The following ZNF670 variants were observed in gnomAD, a reference collection of about 807,000 sequenced individuals.
The protein encoded by ZNF670 is zinc finger protein 670.
In ZNF670, 7 loss-of-function variants were observed where a neutral mutation model predicts 10.9. The observed-to-expected ratio is 0.64, with a 90% CI of 0.36 to 1.20. The LOEUF (loss-of-function observed/expected upper bound fraction) is 1.20, where lower values mean the gene tolerates loss of function less well. ZNF670 is among the 50% of genes most tolerant of loss of function. The pLI, the probability that ZNF670 is intolerant of heterozygous loss-of-function variation, is 0.02. For synonymous variants in ZNF670, 136 were observed against 152.7 expected (o/e 0.89, Z 0.81); for missense variants, 446 against 458.6 (o/e 0.97, Z 0.25).
chr1:247,054,954 T>C (rs906176400), intron 1 of ZNF670, among the ~76,000 whole-genome samples: 1 of 151,968 alleles, frequency 6.6e-6, no homozygotes, highest in African/African-American at 2.4e-5. Flanking sequence ...GAAAACTAGT[T>C]GGGCAGACAG....
chr1:247,052,353 A>C (rs1670616795), intron 1 of ZNF670, among the ~76,000 whole-genome samples: 1 of 152,034 alleles, frequency 6.6e-6, no homozygotes, highest in Non-Finnish European at 1.5e-5. Context: ...AGTGACTGTT[A>C]TGGCTCTTCT....
intron 2 of ZNF670, among the ~76,000 whole-genome samples, 186 bp from the exon 3 acceptor site, chr1:247,039,056 C>CTTTT (rs1558335545): frequency 8.6e-6 from 1 of 116,060 alleles, no homozygotes; most frequent in Non-Finnish European, 1.7e-5. Context: ...TTTTTTCTTT[C>CTTTT]TTTCTTTTTT....
intron 1 of ZNF670, chr1:247,043,164 G>A: frequency 1.2e-6 from 1 of 813,546 alleles, no homozygotes; most frequent in Non-Finnish European, 2.1e-6. Context: ...TAGTTCTGCA[G>A]ATACATGTTC....
chr1:247,044,296 G>A (rs1670388366), intron 1 of ZNF670, among the ~76,000 whole-genome samples: 1 of 152,116 alleles, frequency 6.6e-6, no homozygotes. Flanking sequence ...GCTATTATTA[G>A]AGTCTTTAAC....
chr1:247,064,475 G>A (rs941221615), intron 1 of ZNF670, among the ~76,000 whole-genome samples: 1 of 152,210 alleles, frequency 6.6e-6, no homozygotes, highest in African/African-American at 2.4e-5. Flanking sequence ...CTTCCTTCCT[G>A]TGTTGGGACC....
intron 1 of ZNF670, among the ~76,000 whole-genome samples, chr1:247,067,975 T>C (rs1222881657): frequency 2.0e-5 from 3 of 147,870 alleles, no homozygotes; most frequent in African/African-American, 5.1e-5. Context: ...AACCACAATA[T>C]ATAAGAAGCT....
chr1:247,042,847 G>A lies in ZNF670; in HGVS notation c.4-3310C>T, dbSNP rs1670349570. 3 of 576,822 alleles carry A rather than the reference G, an allele frequency of 5.2e-6. No individual in the cohort carries two copies. In the Admixed American group the frequency reaches 7.5e-5, roughly 14 times the overall value. The allele number at this position is 576,822 out of a possible 1,614,324, so 35.7% of individuals were successfully genotyped here. On this transcript the variant is annotated intron_variant, in intron 1 of 3. Transcript: ENST00000366503. Reference sequence around the variant, plus strand: ...AGCTACTGAAATGTTATTACCAGAGGCTCTTTCCCTATTCTCTGTACTGTA... The same window carrying A: ...AGCTACTGAAATGTTATTACCAGAGACTCTTTCCCTATTCTCTGTACTGTA...
chr1:247,073,613 GA>G (rs1186563801), intron 1 of ZNF670, among the ~76,000 whole-genome samples: 2 of 152,228 alleles, frequency 1.3e-5, no homozygotes, highest in Non-Finnish European at 2.9e-5. Context: ...TGAAGGCTCT[GA>G]TCTGTGAGTC....
chr1:247,060,219 A>G (rs556060436), intron 1 of ZNF670, among the ~76,000 whole-genome samples: 1 of 152,340 alleles, frequency 6.6e-6, no homozygotes, highest in African/African-American at 2.4e-5. Flanking sequence ...ACCTGACACT[A>G]AGACTTAATG....
At chr1:247,039,949 T>C (rs1670265742) in intron 1 of ZNF670, among the ~76,000 whole-genome samples, 1 of 152,244 alleles carries the variant, frequency 6.6e-6, no homozygotes, top group Admixed American at 6.5e-5. Context: ...TCTGACCTTT[T>C]GGTGTGAGAA....
chr1:247,058,286 G>T (rs1405070992), intron 1 of ZNF670, among the ~76,000 whole-genome samples: 2 of 151,988 alleles, frequency 1.3e-5, no homozygotes, highest in Non-Finnish European at 2.9e-5. Flanking sequence ...ATAACAAACA[G>T]GTCAAAGACA....
rs1363177858 is a variant in ZNF670, at chr1:247,038,203, T to C, written c.416A>G (p.Lys139Arg). Reference sequence around the variant, plus strand: ...CCCACATTGTTTGCAATGATATAACTTCTCTGGACATTCCTCACACTCAAA... The same window carrying C: ...CCCACATTGTTTGCAATGATATAACCTCTCTGGACATTCCTCACACTCAAA... The part of the protein sequence containing the change: ...KLFECEECPE[K>R]LYHCKQCGKA... Residue 139 changes from lysine to arginine, a missense_variant, in exon 4 of 4, where the codon AAG becomes AGG. Physicochemically the swap from Lys to Arg is conservative, Grantham distance 26. Coordinates refer to ENST00000366503, the MANE Select transcript of ZNF670 (RefSeq NM_033213.5). The C allele has an allele frequency of 6.2e-7, 1 of 1,614,200 alleles. No homozygotes were observed. The highest frequency in any genetic ancestry group is 8.5e-7 in the Non-Finnish European group (1 of 1,180,022).
At position 247,072,556 on chromosome 1, in the gene ZNF670, G is replaced by A. The variant is rs189250801; in HGVS notation, c.3+6038C>T. On this transcript the variant is annotated intron_variant, in intron 1 of 3. Transcript: ENST00000366503. ...TGCCAGCACTTTGGGAGGCCAAGGC[G>A]GGAGGATCACCTGAGGTCAGGAATT... 6.6e-3 allele frequency among the ~76,000 whole-genome samples: 1,006 copies of A among 151,490 alleles called. 14 individuals carry two copies. Among genetic ancestry groups the A allele is most frequent in the African/African-American group, 0.022 (929 of 41,398 alleles).
At chr1:247,056,915 ACT>A (rs1670732299) in intron 1 of ZNF670, among the ~76,000 whole-genome samples, 1 of 152,202 alleles carries the variant, frequency 6.6e-6, no homozygotes, top group South Asian at 2.1e-4. Context: ...CATTGGGGAA[ACT>A]CTTCAGGACA....
At chr1:247,068,900 T>C (rs965313623) in intron 1 of ZNF670, among the ~76,000 whole-genome samples, 1 of 144,552 alleles carries the variant, frequency 6.9e-6, no homozygotes, top group Non-Finnish European at 1.5e-5. Flanking sequence ...CTGGAGATCA[T>C]GATGTTAAGC....
intron 1 of ZNF670, among the ~76,000 whole-genome samples, chr1:247,046,616 T>C (rs961021882): frequency 6.6e-5 from 10 of 152,118 alleles, no homozygotes; most frequent in Admixed American, 3.9e-4. Flanking sequence ...AAGCCTGACA[T>C]GAGTGGAACC....
rs1377690231 is a variant in ZNF670, at chr1:247,035,804, G to A, written c.*1645C>T. 6.6e-6 allele frequency among the ~76,000 whole-genome samples: 1 copy of A among 152,194 alleles called. No individual in the cohort carries two copies. The highest frequency in any genetic ancestry group is 1.5e-5 in the Non-Finnish European group (1 of 68,030). On this transcript the variant is annotated 3_prime_UTR_variant, in exon 4 of 4. Coordinates refer to ENST00000366503, the MANE Select transcript of ZNF670 (RefSeq NM_033213.5). ...AAATTGAACGTTATCAATATGGGTT[G>A]AGTGTTTCTTATCTGAAATACTTGG...
rs1404168387 is a variant in ZNF670, at chr1:247,038,360, C to A, written c.259G>T (p.Asp87Tyr). The A allele has an allele frequency of 6.2e-7, 1 of 1,614,028 alleles. No homozygotes were observed. The highest frequency in any genetic ancestry group is 1.1e-5 in the South Asian group (1 of 91,078). The change falls in exon 4 of 4, where the codon GAT (aspartate) becomes TAT (tyrosine). Residue 87 changes from aspartate to tyrosine, a missense_variant. Transcript: ENST00000366503. ...GSQYGETFSQ[D>Y]SNLNLNKKVS... The stretch of plus-strand genomic sequence containing the variant: ...TTCTTATTCAGATTCAAATTTGAAT[C>A]CTGGCTGAAGGTTTCTCCATATTGA...
rs1366198694 is a variant in ZNF670, at chr1:247,036,668, A to C, written c.*781T>G. 1 of 152,240 alleles carries C rather than the reference A, an allele frequency of 6.6e-6. No homozygotes were observed. Among genetic ancestry groups the C allele is most frequent in the Admixed American group, 6.5e-5 (1 of 15,284 alleles). The allele number at this position is 152,240 out of a possible 1,614,324, so 9.4% of individuals were successfully genotyped here. ...CTGACAAAGTGAGACCCTCTCTAAA[A>C]ACATAACATTTTTTAAAAAAGTGAA... On this transcript the variant is annotated 3_prime_UTR_variant, in exon 4 of 4. Transcript: ENST00000366503.
Sources: gnomAD v4.1 joint callset for allele counts (sites outside exome capture counted in the v4.1 genomes callset) on GRCh38, gnomAD v4.1.1 for gene constraint, MANE v1.5 for transcripts, NCBI Gene and HGNC (gene_info 2026-07-23, HGNC 2026-07-21) for gene names.